Variants in SHISA7 observed in about 807,000 individuals in gnomAD.
The protein encoded by SHISA7 is shisa family member 7, also known as protein shisa-7.
A neutral mutation model predicts 23.9 loss-of-function variants in SHISA7; 6 were observed. The observed-to-expected ratio is 0.25, with a 90% CI of 0.14 to 0.50. The LOEUF (loss-of-function observed/expected upper bound fraction) is 0.50. Among genes scored for constraint, SHISA7 ranks in the 20% least tolerant of loss-of-function variants. SHISA7 has a pLI of 0.98. For synonymous variants in SHISA7, 386 were observed against 398.3 expected (o/e 0.97, Z 0.37); for missense variants, 671 against 801.1 (o/e 0.84, Z 1.96).
At chr19:55,440,980 C>T (rs897912262) in intron 1 of SHISA7, among the ~76,000 whole-genome samples, 2 of 152,150 alleles carry the variant, frequency 1.3e-5, no homozygotes, top group East Asian at 3.9e-4. Context: ...GCTGCCTTAA[C>T]TCGTGTGGAA....
Position 55,433,877 on chromosome 19 carries a change from G to T in SHISA7, c.977-81C>A. Reference sequence around the variant, plus strand: ...TCCCCCTCCCACCTCGTCACATCCCGCTCCTATGCTCCTTGTGCCCCCACA... The same window carrying T: ...TCCCCCTCCCACCTCGTCACATCCCTCTCCTATGCTCCTTGTGCCCCCACA... On this transcript the variant is annotated intron_variant, in intron 3 of 3. Coordinates refer to ENST00000376325, the MANE Select transcript of SHISA7 (RefSeq NM_001145176.2). This position sits in a 1 kb window ranked among gnomAD's most constrained non-coding sequence, Gnocchi z 8.4. 3 of 1,309,442 alleles carry T rather than the reference G, an allele frequency of 2.3e-6. No homozygotes were observed. The highest frequency in any genetic ancestry group is 2.9e-6 in the Non-Finnish European group (3 of 1,025,404). The allele number at this position is 1,309,442 out of a possible 1,614,324, so 81.1% of individuals were successfully genotyped here. A position where few individuals can be genotyped will look rare whatever the true frequency, so the allele number is the denominator to read the frequency against.
At position 55,433,709 on chromosome 19, in the gene SHISA7, G is replaced by T; in HGVS notation, c.1064C>A (p.Pro355Gln). ...GTLPLHALRR[P>Q]GTGGGYRMEA... ...CATGCGATAGCCGCCCCCCGTGCCC[G>T]GCCGCCGCAGCGCGTGCAGGGGCAG... is the stretch of plus-strand genomic sequence containing the variant. The change falls in exon 4 of 4, where the codon CCG (proline) becomes CAG (glutamine). Residue 355 changes from proline (P) to glutamine (Q), a missense_variant. Around this residue, in one of 5 missense-constraint regions of SHISA7, gnomAD observed 457 missense variants for 488.3 expected, o/e 0.94. Coordinates refer to ENST00000376325, the MANE Select transcript of SHISA7 (RefSeq NM_001145176.2). The surrounding 1 kb of genome is among the most constrained non-coding windows in gnomAD (Gnocchi z 8.4). 6.8e-7 allele frequency: 1 copy of T among 1,477,700 alleles called. No individual in the cohort carries two copies. The highest frequency in any genetic ancestry group is 8.9e-7 in the Non-Finnish European group (1 of 1,122,198). The allele number at this position is 1,477,700 out of a possible 1,614,324, so 91.5% of individuals were successfully genotyped here. A position where few individuals can be genotyped will look rare whatever the true frequency, so the allele number is the denominator to read the frequency against.
chr19:55,435,026 G>C (rs1291463442), intron 3 of SHISA7, among the ~76,000 whole-genome samples: 1 of 60,812 alleles, frequency 1.6e-5, no homozygotes, highest in Non-Finnish European at 3.2e-5. Context: ...GTGTGTGTGG[G>C]TGTGTGGCTG....
chr19:55,438,875 C>CG, intron 2 of SHISA7, among the ~76,000 whole-genome samples: 1 of 126,572 alleles, frequency 7.9e-6, no homozygotes, highest in Non-Finnish European at 1.6e-5. Flanking sequence ...TTAGCACCCC[C>CG]CCCCCTGGTG....
At chr19:55,435,990 T>G (rs1330593558) in intron 3 of SHISA7, among the ~76,000 whole-genome samples, 1 of 151,938 alleles carries the variant, frequency 6.6e-6, no homozygotes, top group Non-Finnish European at 1.5e-5. Flanking sequence ...GGTCACAATA[T>G]GAAAATCGTT....
At chr19:55,438,993 C>T (rs1053199058) in intron 2 of SHISA7, among the ~76,000 whole-genome samples, 2 of 152,142 alleles carry the variant, frequency 1.3e-5, no homozygotes, top group African/African-American at 4.8e-5. Flanking sequence ...GTGTCCTCTC[C>T]CTCCTGGATC....
intron 2 of SHISA7, among the ~76,000 whole-genome samples, chr19:55,438,852 C>A (rs994494467): frequency 1.5e-5 from 2 of 131,704 alleles, no homozygotes; most frequent in African/African-American, 6.0e-5. Context: ...GGTAAGTGGT[C>A]TGTCCCAAGT....
rs1245581264 is a variant in SHISA7 at position 55,431,499 on chromosome 19, G to A, written c.*1657C>T. On this transcript the variant is annotated 3_prime_UTR_variant, in exon 4 of 4. Transcript: ENST00000376325. The stretch of plus-strand genomic sequence containing the variant: ...CCATTGGCTATGGGGAGTCTTGGCA[G>A]ATGGTGACACCATTAGTCATGGTAA... 1 of 152,154 alleles carries A rather than the reference G, an allele frequency of 6.6e-6. No individual in the cohort carries two copies. Among genetic ancestry groups the A allele is most frequent in the Non-Finnish European group, 1.5e-5 (1 of 68,020 alleles). 9.4% of individuals were successfully genotyped at this position (152,154 alleles called of 1,614,324 possible).
chr19:55,435,150 T>TATG (rs1985409220), intron 3 of SHISA7, among the ~76,000 whole-genome samples: 2 of 123,828 alleles, frequency 1.6e-5, no homozygotes, highest in African/African-American at 6.3e-5. Context: ...GTATGGTGTG[T>TATG]GTGTGTGGTG....
At chr19:55,438,527 C>A in intron 2 of SHISA7, 2 of 1,303,384 alleles carry the variant, frequency 1.5e-6, no homozygotes, top group Non-Finnish European at 2.0e-6. Context: ...GGAAGGAGGC[C>A]TGCTCTTTTC....
At position 55,437,763 on chromosome 19, in the gene SHISA7, G is replaced by C. The variant is rs968581953; in HGVS notation, c.827-9C>G. 8 of 1,548,858 alleles carry C rather than the reference G, an allele frequency of 5.2e-6. No homozygotes were observed. In the African/African-American group the frequency reaches 5.5e-5, roughly 11 times the overall value. ...CGGCAAGGCTCGCCAGTCTGGGTTA[G>C]AGGGGGCAGGGCCAGGGTCAGTCAG... On this transcript the variant is annotated splice_polypyrimidine_tract_variant and intron_variant, in intron 2 of 3. Coordinates refer to ENST00000376325, the MANE Select transcript of SHISA7 (RefSeq NM_001145176.2).
In SHISA7 at chr19:55,428,835, A is replaced by AG. The variant is rs1812275005; in HGVS notation, c.*4320dup. ...AATTAGGGGAAGGGGCCAGTGTTGG[A>AG]GAGGGGGTGGAGAGAGGAAGTGATG... On this transcript the variant is annotated 3_prime_UTR_variant, in exon 4 of 4. Transcript: ENST00000376325. 6.6e-6 allele frequency: 1 copy of AG among 152,174 alleles called. No individual in the cohort carries two copies. The highest frequency in any genetic ancestry group is 2.4e-5 in the African/African-American group (1 of 41,414). The allele number at this position is 152,174 out of a possible 1,614,324, so 9.4% of individuals were successfully genotyped here.
rs959595622 is a variant in SHISA7, at chr19:55,431,467, G to A, written c.*1689C>T. 2.0e-5 allele frequency: 3 copies of A among 152,096 alleles called. No homozygotes were observed. The highest frequency in any genetic ancestry group is 4.4e-5 in the Non-Finnish European group (3 of 68,012). The allele number at this position is 152,096 out of a possible 1,614,324, so 9.4% of individuals were successfully genotyped here. On this transcript the variant is annotated 3_prime_UTR_variant, in exon 4 of 4. Transcript: ENST00000376325. ...ATGGTTGTGAGGAATCATGGAGGAT[G>A]GTGACACCATTGGCTATGGGGAGTC...
At position 55,442,959 on chromosome 19, in the gene SHISA7, G is replaced by T; in HGVS notation, c.-96C>A. ...CGGGAGAGAAACGGTCAGAGGGTGA[G>T]AAACGTAGAGATGGGTGGGCAGAGA... On this transcript the variant is annotated 5_prime_UTR_variant, in exon 1 of 4. Transcript: ENST00000376325. The T allele has an allele frequency of 3.3e-6, 1 of 305,496 alleles. No homozygotes were observed. Among genetic ancestry groups the T allele is most frequent in the Non-Finnish European group, 4.4e-6 (1 of 229,796 alleles). 18.9% of individuals were successfully genotyped at this position (305,496 alleles called of 1,614,324 possible). A position where few individuals can be genotyped will look rare whatever the true frequency, so the allele number is the denominator to read the frequency against.
chr19:55,438,547 G>T, intron 2 of SHISA7: 1 of 1,304,192 alleles, frequency 7.7e-7, no homozygotes, highest in Non-Finnish European at 1.0e-6. Flanking sequence ...CCGCAGCCGG[G>T]CCCTCTTCCG....
At chr19:55,437,777 A>G in intron 2 of SHISA7, 23 bp from the exon 3 acceptor site, 1 of 1,541,150 alleles carries the variant, frequency 6.5e-7, no homozygotes, top group Non-Finnish European at 8.8e-7. Flanking sequence ...GGGCAGGGCC[A>G]GGGTCAGTCA....
chr19:55,434,659 GGTGT>G lies in SHISA7; in HGVS notation c.977-867_977-864del, dbSNP rs561944314. On this transcript the variant is annotated intron_variant, in intron 3 of 3. Transcript: ENST00000376325. ...GTGTGGTTGTGTGTATGGTGTGTGT[GGTGT>G]GTGTGTATGGTGTGTGGTGTGTGTG... 5.1e-4 allele frequency among the ~76,000 whole-genome samples: 63 copies of G among 124,058 alleles called. 1 individual carries two copies. The highest frequency in any genetic ancestry group is 1.8e-3 in the African/African-American group (58 of 31,760). The allele number at this position is 124,058 out of a possible 152,430, so 81.4% of individuals were successfully genotyped here.
chr19:55,434,848 TGC>T (rs1985369880), intron 3 of SHISA7, among the ~76,000 whole-genome samples: 5 of 95,518 alleles, frequency 5.2e-5, no homozygotes, highest in Admixed American at 2.3e-4. Context: ...GGTGTGTGTG[TGC>T]GTGTGTGTAT....
At chr19:55,434,737 T>C (rs1314548488) in intron 3 of SHISA7, among the ~76,000 whole-genome samples, 2 of 97,132 alleles carry the variant, frequency 2.1e-5, no homozygotes, top group African/African-American at 8.1e-5. Context: ...GTGTGTGTGG[T>C]GTATATGTGG....
Sources: allele counts gnomAD v4.1 joint callset (sites outside exome capture counted in the v4.1 genomes callset), GRCh38; gene constraint gnomAD v4.1.1; regional missense constraint gnomAD v4.1.1; non-coding constraint Gnocchi (gnomAD v3.1); transcripts MANE v1.5; gene names NCBI Gene and HGNC (gene_info 2026-07-23, HGNC 2026-07-21).